Variants in CCDC88C observed in about 807,000 individuals in gnomAD.
CCDC88C encodes protein Daple.
A neutral mutation model predicts 198.8 loss-of-function variants in CCDC88C; 131 were observed. The ratio of observed to expected loss-of-function variants is 0.66; its 90% CI spans 0.57 to 0.76. The LOEUF is 0.76. Among genes scored for constraint, CCDC88C ranks in the 30% least tolerant of loss-of-function variants. The pLI is 0.00. For missense variants in CCDC88C, 2,553 were observed against 2,631.6 expected (o/e 0.97, Z 0.65); for synonymous variants, 1,166 against 1,114.7 (o/e 1.05, Z -0.92).
At position 91,408,779 on chromosome 14, in the gene CCDC88C, A is replaced by C; in HGVS notation, c.162-12T>G. Reference sequence around the variant, plus strand: ...TGGGCCTGGGATCTCTAGGGGAAGAAACACGAGAATGGAAATTGCATCTCC... The same window carrying C: ...TGGGCCTGGGATCTCTAGGGGAAGACACACGAGAATGGAAATTGCATCTCC... On this transcript the variant is annotated splice_polypyrimidine_tract_variant and intron_variant, in intron 2 of 29. Coordinates refer to ENST00000389857, the MANE Select transcript of CCDC88C (RefSeq NM_001080414.4). 1 of 1,581,904 alleles carries C rather than the reference A, an allele frequency of 6.3e-7. No individual in the cohort carries two copies. Among genetic ancestry groups the C allele is most frequent in the South Asian group, 1.1e-5 (1 of 90,304 alleles).
intron 29 of CCDC88C, among the ~76,000 whole-genome samples, chr14:91,275,809 C>T (rs1169781977): frequency 1.4e-5 from 2 of 141,854 alleles, no homozygotes; most frequent in East Asian, 4.2e-4. Context: ...TTGGCCTAGA[C>T]CAGTGGTTCT....
intron 3 of CCDC88C, among the ~76,000 whole-genome samples, chr14:91,392,495 T>A (rs1444248618): frequency 6.6e-6 from 1 of 152,176 alleles, no homozygotes; most frequent in Admixed American, 6.6e-5. Flanking sequence ...AATTCCTTTC[T>A]GTTCAAAAGG....
chr14:91,308,627 C>A (rs1016619416), intron 16 of CCDC88C, 135 bp from the exon 17 acceptor site: 1 of 923,228 alleles, frequency 1.1e-6, no homozygotes, highest in East Asian at 2.4e-5. Context: ...CCCAGAAGAA[C>A]TCACGAGCCA....
intron 26 of CCDC88C, 98 bp from the exon 27 acceptor site, chr14:91,281,623 C>T (rs1289148256): frequency 2.0e-6 from 2 of 1,022,294 alleles, no homozygotes; most frequent in South Asian, 2.7e-5. Context: ...CCAGTAGCTC[C>T]AGCTCTTGGG....
intron 26 of CCDC88C, among the ~76,000 whole-genome samples, chr14:91,282,097 A>G (rs570484297): frequency 6.6e-6 from 1 of 152,272 alleles, no homozygotes; most frequent in African/African-American, 2.4e-5. Flanking sequence ...AAATCCTGCT[A>G]GTTTCTACCT....
intron 3 of CCDC88C, among the ~76,000 whole-genome samples, chr14:91,405,906 G>A (rs1886459504): frequency 6.6e-6 from 1 of 152,230 alleles, no homozygotes; most frequent in African/African-American, 2.4e-5. Context: ...CTGGTCAGCA[G>A]CAAGTACTGT....
At chr14:91,291,713 G>A (rs1348968816) in intron 23 of CCDC88C, among the ~76,000 whole-genome samples, 1 of 152,148 alleles carries the variant, frequency 6.6e-6, no homozygotes, top group Non-Finnish European at 1.5e-5. Context: ...GGGCACAGTG[G>A]GGCGGACTTC....
At chr14:91,334,782 G>A (rs1238275262) in intron 10 of CCDC88C, among the ~76,000 whole-genome samples, 2 of 152,202 alleles carry the variant, frequency 1.3e-5, no homozygotes, top group Admixed American at 1.3e-4. Flanking sequence ...ACTGGAGGGA[G>A]TGACTGGCCC....
At chr14:91,294,758 G>C (rs544477204) in intron 22 of CCDC88C, among the ~76,000 whole-genome samples, 1 of 152,178 alleles carries the variant, frequency 6.6e-6, no homozygotes, top group African/African-American at 2.4e-5. Flanking sequence ...GGGTTCAAGC[G>C]ACTCTCCTGC....
At chr14:91,336,980 T>G (rs567382040) in intron 10 of CCDC88C, among the ~76,000 whole-genome samples, 1 of 152,364 alleles carries the variant, frequency 6.6e-6, no homozygotes, top group African/African-American at 2.4e-5. Context: ...TTGGGATTAT[T>G]TCTTAGCCTT....
intron 3 of CCDC88C, 84 bp from the exon 4 acceptor site, chr14:91,359,795 C>G (rs948167197): frequency 7.9e-7 from 1 of 1,260,538 alleles, no homozygotes; most frequent in East Asian, 2.5e-5. Flanking sequence ...AGTAATGAAG[C>G]CCCCGGACGG....
At position 91,328,469 on chromosome 14, in the gene CCDC88C, C is replaced by A. The variant is rs1030939860; in HGVS notation, c.1051-2413G>T. Among the ~76,000 whole-genome samples, 13 of 152,130 alleles carry A rather than the reference C, an allele frequency of 8.5e-5. No individual in the cohort carries two copies. In the South Asian group the frequency reaches 2.7e-3, roughly 32 times the overall value. Reference sequence around the variant, plus strand: ...CCAAGGCCAGAACGCCCCACCGTGGCCCTGACCACAAGTGACCTAGGAGGC... The same window carrying A: ...CCAAGGCCAGAACGCCCCACCGTGGACCTGACCACAAGTGACCTAGGAGGC... On this transcript the variant is annotated intron_variant, in intron 10 of 29. Transcript: ENST00000389857.
chr14:91,342,690 A>G (rs1596091200), intron 5 of CCDC88C, among the ~76,000 whole-genome samples: 2 of 152,184 alleles, frequency 1.3e-5, no homozygotes, highest in African/African-American at 4.8e-5. Context: ...TAAAACTCCC[A>G]TCCGTAAGCC....
At chr14:91,343,908 C>G (rs60919166) in intron 4 of CCDC88C, among the ~76,000 whole-genome samples, 2,591 of 152,214 alleles carry the variant, frequency 0.017, 62 homozygotes, top group African/African-American at 0.047. Context: ...CAGCCTTGAC[C>G]TCCCAAGGCT....
chr14:91,392,114 T>C (rs1885543932), intron 3 of CCDC88C, among the ~76,000 whole-genome samples: 1 of 152,030 alleles, frequency 6.6e-6, no homozygotes, highest in Non-Finnish European at 1.5e-5. Context: ...GCAGCTCCCA[T>C]GGCCACCATG....
intron 3 of CCDC88C, among the ~76,000 whole-genome samples, chr14:91,396,225 G>T (rs1048149063): frequency 2.0e-5 from 3 of 152,130 alleles, no homozygotes; most frequent in Non-Finnish European, 4.4e-5. Context: ...AGCCTGCCTG[G>T]GCAAGTTCTT....
chr14:91,305,281 C>T (rs7146512), intron 19 of CCDC88C, among the ~76,000 whole-genome samples: 74,285 of 151,990 alleles, frequency 0.49, 18,891 homozygotes, highest in Non-Finnish European at 0.57. Flanking sequence ...TCTGAAGTGG[C>T]ACACAACCTA....
chr14:91,393,034 G>A (rs1885614483), intron 3 of CCDC88C, among the ~76,000 whole-genome samples: 1 of 152,222 alleles, frequency 6.6e-6, no homozygotes, highest in Non-Finnish European at 1.5e-5. Flanking sequence ...GGGAGAGGGA[G>A]AGACAGTACC....
At chr14:91,416,697 A>T (rs1887073391) in intron 2 of CCDC88C, 41 bp downstream of exon 2, 1 of 1,434,224 alleles carries the variant, frequency 7.0e-7, no homozygotes, top group Admixed American at 1.8e-5. Context: ...AAACTTTCTA[A>T]CGCACCATTC....
Sources: gnomAD v4.1 joint callset for allele counts (sites outside exome capture counted in the v4.1 genomes callset) on GRCh38, gnomAD v4.1.1 for gene constraint, MANE v1.5 for transcripts, NCBI Gene and HGNC (gene_info 2026-07-23, HGNC 2026-07-21) for gene names.